The following PARD3B variants were observed in gnomAD, a reference collection of about 807,000 sequenced individuals.
The protein encoded by PARD3B is partitioning defective 3 homolog B.
PARD3B carries 103 observed loss-of-function variants against 130.2 expected under a neutral mutation model. The ratio of observed to expected loss-of-function variants is 0.79; its 90% CI spans 0.67 to 0.93. PARD3B has a LOEUF of 0.93. Among genes scored for constraint, PARD3B ranks in the 40% least tolerant of loss-of-function variants. The probability of loss-of-function intolerance (pLI) is 0.00; values close to 1 mark genes in which losing one functional copy is unlikely to be tolerated. For missense variants in PARD3B, 1,609 were observed against 1,499.2 expected (o/e 1.07, Z -1.21); for synonymous variants, 583 against 553.2 (o/e 1.05, Z -0.76).
chr2:204,923,366 G>A (rs1171764936), intron 2 of PARD3B, among the ~76,000 whole-genome samples: 6 of 151,860 alleles, frequency 4.0e-5, no homozygotes, highest in Admixed American at 3.9e-4. Context: ...TCATTATTAT[G>A]TATTTTTGTA....
At chr2:205,316,916 G>A (rs775910235) in intron 18 of PARD3B, among the ~76,000 whole-genome samples, 5 of 152,034 alleles carry the variant, frequency 3.3e-5, no homozygotes, top group Admixed American at 6.6e-5. Context: ...TTCTAACATC[G>A]TCTTTTATTC....
intron 1 of PARD3B, among the ~76,000 whole-genome samples, chr2:204,607,126 TTAA>T (rs1399406710): frequency 2.0e-5 from 3 of 152,104 alleles, no homozygotes; most frequent in Non-Finnish European, 2.9e-5. Flanking sequence ...TTAAGCGTGT[TTAA>T]TAATTTAATG....
intron 3 of PARD3B, among the ~76,000 whole-genome samples, chr2:205,032,599 G>C (rs142018710): frequency 2.9e-3 from 439 of 152,174 alleles, no homozygotes; most frequent in African/African-American, 8.3e-3. Context: ...CCTAGTTTCT[G>C]AGTTTTCTGG....
chr2:205,411,618 C>T (rs564880071), intron 19 of PARD3B, among the ~76,000 whole-genome samples: 17 of 152,288 alleles, frequency 1.1e-4, no homozygotes, highest in Admixed American at 1.0e-3. Context: ...ATACAGTAGC[C>T]TTTGGGAGCC....
At position 205,274,583 on chromosome 2, in the gene PARD3B, A is replaced by G. The variant is rs1342680425; in HGVS notation, c.2186-25947A>G. Among the ~76,000 whole-genome samples, 1 of 151,896 alleles carries G rather than the reference A, an allele frequency of 6.6e-6. No individual in the cohort carries two copies. The highest frequency in any genetic ancestry group is 1.5e-5 in the Non-Finnish European group (1 of 67,950). On this transcript the variant is annotated intron_variant, in intron 16 of 22. Coordinates refer to ENST00000406610, the MANE Select transcript of PARD3B (RefSeq NM_001302769.2). The surrounding 1 kb of genome is among the most constrained non-coding windows in gnomAD (Gnocchi z 4.2). ...CCTGATATCCCTTAATTTACATGGT[A>G]TACTTTTACATTGATTTTTTTATAA...
Position 205,430,628 on chromosome 2 carries a change from T to TG in PARD3B, c.2742-9736dup, listed in dbSNP as rs566480040. ...AGTTACTCTTCATAAACAAGATATT[T>TG]GGGGGGATGGAGGAATAAGTTAAAT... On this transcript the variant is annotated intron_variant, in intron 19 of 22. Transcript: ENST00000406610. Among the ~76,000 whole-genome samples the TG allele has an allele frequency of 2.0e-3, 302 of 152,148 alleles. 12 individuals carry two copies. In the South Asian group the frequency reaches 0.061, roughly 31 times the overall value.
chr2:204,733,026 G>C (rs2039584641), intron 2 of PARD3B, among the ~76,000 whole-genome samples: 1 of 152,006 alleles, frequency 6.6e-6, no homozygotes, highest in Admixed American at 6.6e-5. Context: ...ATTCACACAA[G>C]GGAGATACAA....
At chr2:204,785,674 T>G (rs1461181932) in intron 2 of PARD3B, among the ~76,000 whole-genome samples, 1 of 152,178 alleles carries the variant, frequency 6.6e-6, no homozygotes, top group Non-Finnish European at 1.5e-5. Context: ...TCCCAGTCAC[T>G]TGGGCCCAGT....
At chr2:204,945,599 T>G (rs1317843477) in intron 2 of PARD3B, among the ~76,000 whole-genome samples, 1 of 152,214 alleles carries the variant, frequency 6.6e-6, no homozygotes, top group African/African-American at 2.4e-5. Flanking sequence ...TGCTTCTGAT[T>G]GCGCTGCAAG....
chr2:205,092,037 T>C (rs1702143972), intron 4 of PARD3B, among the ~76,000 whole-genome samples: 1 of 152,088 alleles, frequency 6.6e-6, no homozygotes, highest in Non-Finnish European at 1.5e-5. Context: ...CGTGTTCAAT[T>C]TTGCTTTTGA....
At chr2:204,612,253 T>C (rs2033954942) in intron 1 of PARD3B, among the ~76,000 whole-genome samples, 1 of 152,220 alleles carries the variant, frequency 6.6e-6, no homozygotes. Context: ...GCCCGACTTT[T>C]GCTTTTACCA....
intron 3 of PARD3B, among the ~76,000 whole-genome samples, chr2:204,974,243 G>A (rs1401562615): frequency 6.6e-6 from 1 of 152,084 alleles, no homozygotes; most frequent in African/African-American, 2.4e-5. Context: ...AAATTATGTG[G>A]TACATCTTAT....
chr2:205,383,368 A>T (rs535752665), intron 18 of PARD3B, among the ~76,000 whole-genome samples: 17 of 151,900 alleles, frequency 1.1e-4, no homozygotes, highest in African/African-American at 3.9e-4. Flanking sequence ...ATATTCATAA[A>T]TTTTTTTTCA....
intron 2 of PARD3B, among the ~76,000 whole-genome samples, chr2:204,727,739 C>A (rs116363988): frequency 6.6e-6 from 1 of 152,132 alleles, no homozygotes; most frequent in Non-Finnish European, 1.5e-5. Flanking sequence ...AGAAACAGAC[C>A]CAAGTGCAAT....
intron 13 of PARD3B, among the ~76,000 whole-genome samples, chr2:205,177,732 C>T (rs1282032897): frequency 6.6e-6 from 1 of 152,156 alleles, no homozygotes; most frequent in East Asian, 1.9e-4. Flanking sequence ...GTAGTAGCAA[C>T]AGCTGCTATC....
intron 15 of PARD3B, among the ~76,000 whole-genome samples, chr2:205,239,873 G>T (rs576656142): frequency 6.6e-6 from 1 of 152,274 alleles, no homozygotes; most frequent in South Asian, 2.1e-4. Context: ...TAAGATAAAT[G>T]AGATAAATGT....
chr2:205,391,508 A>C (rs7600287), intron 18 of PARD3B, among the ~76,000 whole-genome samples: 105,098 of 152,140 alleles, frequency 0.69, 37,341 homozygotes, highest in East Asian at 0.97. Flanking sequence ...ACTATTAAGA[A>C]AACATAAAAA....
intron 2 of PARD3B, among the ~76,000 whole-genome samples, chr2:204,883,431 TAAA>T (rs1199171558): frequency 9.0e-6 from 1 of 111,050 alleles, no homozygotes; most frequent in Admixed American, 9.2e-5. Flanking sequence ...TATATATATA[TAAA>T]ATATATATAT....
rs759512013 is a variant in PARD3B at position 204,657,476 on chromosome 2, AGCATG to A, written c.121-28703_121-28699del. ...AGCTATGATTGCATCATTGCACTCC[AGCATG>A]GATGACAGAGGTGAGACCCTGTCTA... is the stretch of plus-strand genomic sequence containing the variant. On this transcript the variant is annotated intron_variant, in intron 1 of 22. Coordinates refer to ENST00000406610, the MANE Select transcript of PARD3B (RefSeq NM_001302769.2). Among the ~76,000 whole-genome samples the A allele has an allele frequency of 5.2e-4, 79 of 152,280 alleles. 1 individual carries two copies. Among genetic ancestry groups the A allele is most frequent in the Admixed American group, 1.0e-3 (16 of 15,280 alleles).
Sources: gnomAD v4.1 joint callset for allele counts (sites outside exome capture counted in the v4.1 genomes callset) on GRCh38, gnomAD v4.1.1 for gene constraint, Gnocchi (gnomAD v3.1) non-coding constraint, MANE v1.5 for transcripts, NCBI Gene and HGNC (gene_info 2026-07-23, HGNC 2026-07-21) for gene names.